Variants in RIC3 observed in about 807,000 individuals in gnomAD.
The protein encoded by RIC3 is protein RIC-3.
Under a neutral mutation model 27.3 loss-of-function variants are expected in RIC3, and 28 were observed. The ratio of observed to expected loss-of-function variants is 1.02; its 90% CI spans 0.76 to 1.41. RIC3 has a LOEUF of 1.41. RIC3 is among the 40% of genes most tolerant of loss of function. RIC3 has a pLI of 0.00. For synonymous variants in RIC3, 184 were observed against 160.4 expected (o/e 1.15, Z -1.11); for missense variants, 501 against 444.7 (o/e 1.13, Z -1.14).
intron 2 of RIC3, chr11:8,139,501 T>A (rs1390500750): frequency 6.3e-6 from 1 of 158,174 alleles, no homozygotes; most frequent in Admixed American, 6.2e-5. Context: ...CTCAAATTCC[T>A]GTGGAGAAAC....
intron 1 of RIC3, chr11:8,153,292 AG>A (rs1428092546): frequency 2.0e-5 from 7 of 358,856 alleles, no homozygotes; most frequent in African/African-American, 1.5e-4. Flanking sequence ...CTCTGAGATT[AG>A]AATGACAAAT....
intron 1 of RIC3, among the ~76,000 whole-genome samples, chr11:8,146,746 G>A (rs1037027951): frequency 3.3e-5 from 5 of 152,190 alleles, no homozygotes; most frequent in Admixed American, 6.5e-5. Flanking sequence ...GGCAGGGGGC[G>A]GGGTGCTTCT....
chr11:8,094,580 A>T, the RIC3 span, among the ~76,000 whole-genome samples: 9 of 152,142 alleles, frequency 5.9e-5, no homozygotes, highest in African/African-American at 2.2e-4. Flanking sequence ...CCCCATCCTT[A>T]TGCAGCCCTC....
chr11:8,095,545 G>C, the RIC3 span: 1 of 1,613,152 alleles, frequency 6.2e-7, no homozygotes, highest in Non-Finnish European at 8.5e-7. Flanking sequence ...TGAGGCCCAA[G>C]GCCCAGTGCA....
chr11:8,101,735 C>T (rs1944316850), downstream of RIC3: 3 of 1,457,256 alleles, frequency 2.1e-6, no homozygotes, highest in South Asian at 2.9e-5. Context: ...GAAGCTTTGG[C>T]CCTCAGTGGG....
chr11:8,093,165 C>G, the RIC3 span, among the ~76,000 whole-genome samples: 1 of 151,846 alleles, frequency 6.6e-6, no homozygotes, highest in Non-Finnish European at 1.5e-5. Context: ...CCTGCTCTGA[C>G]GAGGGAGGCA....
chr11:8,124,329 C>T (rs1010825832), intron 5 of RIC3, among the ~76,000 whole-genome samples: 24 of 152,114 alleles, frequency 1.6e-4, no homozygotes, highest in African/African-American at 5.8e-4. Flanking sequence ...ACCAATATCC[C>T]TCACATATGC....
intron 1 of RIC3, among the ~76,000 whole-genome samples, chr11:8,162,104 A>G (rs1276558346): frequency 6.6e-6 from 1 of 152,208 alleles, no homozygotes; most frequent in Non-Finnish European, 1.5e-5. Context: ...CATTGCTACC[A>G]CCCTGAGAGG....
chr11:8,101,706 T>G (rs1944315517), downstream of RIC3: 1 of 1,519,424 alleles, frequency 6.6e-7, no homozygotes, highest in Admixed American at 2.1e-5. Flanking sequence ...ATCCTCTGTA[T>G]ATAGGCCTTC....
chr11:8,167,744 A>G (rs539394043), intron 1 of RIC3, among the ~76,000 whole-genome samples: 10 of 152,314 alleles, frequency 6.6e-5, no homozygotes, highest in African/African-American at 2.2e-4. Context: ...AGCAGGTAAA[A>G]ATCTTTGGGA....
At chr11:8,151,431 C>T (rs1039824624) in intron 1 of RIC3, among the ~76,000 whole-genome samples, 1 of 149,246 alleles carries the variant, frequency 6.7e-6, no homozygotes, top group Non-Finnish European at 1.5e-5. Context: ...ACTAAAAATA[C>T]AAAAATTAGC....
the RIC3 span, chr11:8,100,867 G>T: frequency 8.7e-6 from 14 of 1,614,140 alleles, no homozygotes; most frequent in Non-Finnish European, 1.1e-5. Flanking sequence ...ATAAGAACAC[G>T]GAGAGTATCA....
intron 5 of RIC3, among the ~76,000 whole-genome samples, chr11:8,118,130 G>C (rs1195265751): frequency 6.6e-6 from 1 of 151,250 alleles, no homozygotes; most frequent in Admixed American, 6.6e-5. Flanking sequence ...GGCTGAGGCA[G>C]GAGAATGACG....
At chr11:8,097,550 G>A in the RIC3 span, 3 of 1,403,176 alleles carry the variant, frequency 2.1e-6, no homozygotes, top group South Asian at 2.5e-5. Flanking sequence ...AACTGCCTTC[G>A]TGTCTGGTCT....
At chr11:8,160,024 T>TA (rs1366440114) in intron 1 of RIC3, among the ~76,000 whole-genome samples, 3 of 151,584 alleles carry the variant, frequency 2.0e-5, no homozygotes, top group East Asian at 1.9e-4. Flanking sequence ...GGTAAAATTG[T>TA]AAAAAAAGAA....
At chr11:8,100,601 C>T in the RIC3 span, 50 of 1,613,498 alleles carry the variant, frequency 3.1e-5, no homozygotes, top group Middle Eastern at 6.6e-4. Flanking sequence ...GCCCCCGCAA[C>T]GTGAGTGTCT....
chr11:8,161,878 A>G (rs1951193951), intron 1 of RIC3, among the ~76,000 whole-genome samples: 1 of 151,402 alleles, frequency 6.6e-6, no homozygotes, highest in Non-Finnish European at 1.5e-5. Context: ...GTGAGGAGGT[A>G]ATGTCCGAAA....
chr11:8,160,938 G>A (rs1158048276), intron 1 of RIC3, among the ~76,000 whole-genome samples: 25 of 152,148 alleles, frequency 1.6e-4, no homozygotes, highest in Admixed American at 1.6e-3. Flanking sequence ...AAAGTATCTG[G>A]GACAGGCCTC....
rs765080408 is a variant in RIC3, at chr11:8,106,168, TTATG to T, written c.*4526_*4529del. 7 of 152,226 alleles carry T rather than the reference TTATG, an allele frequency of 4.6e-5. No individual in the cohort carries two copies. The highest frequency in any genetic ancestry group is 1.0e-4 in the Non-Finnish European group (7 of 68,048). 9.4% of individuals were successfully genotyped at this position (152,226 alleles called of 1,614,324 possible). A position where few individuals can be genotyped will look rare whatever the true frequency, so the allele number is the denominator to read the frequency against. On this transcript the variant is annotated 3_prime_UTR_variant, in exon 6 of 6. Coordinates refer to ENST00000309737, the MANE Select transcript of RIC3 (RefSeq NM_001206671.4). ...AACTTGGTATTTTCCCATGTTGACA[TTATG>T]TATGTTGTAGAATTTAGTGTTTGTC...
Sources: gnomAD v4.1 joint callset for allele counts (sites outside exome capture counted in the v4.1 genomes callset) on GRCh38, gnomAD v4.1.1 for gene constraint, MANE v1.5 for transcripts, NCBI Gene and HGNC (gene_info 2026-07-23, HGNC 2026-07-21) for gene names.